Variants in CDYL observed in about 807,000 individuals in gnomAD.
CDYL encodes chromodomain Y-like protein.
A neutral mutation model predicts 47.3 loss-of-function variants in CDYL; 8 were observed. The ratio of observed to expected loss-of-function variants is 0.17; its 90% confidence interval spans 0.10 to 0.31. CDYL has a LOEUF of 0.31. Among genes scored for constraint, CDYL ranks in the 10% least tolerant of loss-of-function variants. The pLI, the probability that CDYL is intolerant of heterozygous loss-of-function variation, is 1.00. For synonymous variants in CDYL, 266 were observed against 265.0 expected (o/e 1.00, Z -0.04); for missense variants, 471 against 701.4 (o/e 0.67, Z 3.71).
At chr6:4,915,524 C>G (rs1319589233) in intron 2 of CDYL, among the ~76,000 whole-genome samples, 1 of 152,068 alleles carries the variant, frequency 6.6e-6, no homozygotes, top group Non-Finnish European at 1.5e-5. Flanking sequence ...ATACCCTTAC[C>G]GCTTTGGAGT....
At chr6:4,726,163 A>G (rs1183681590) in intron 2 of CDYL, among the ~76,000 whole-genome samples, 1 of 152,180 alleles carries the variant, frequency 6.6e-6, no homozygotes, top group Non-Finnish European at 1.5e-5. Flanking sequence ...CTGTAATCCC[A>G]GCACTTTGGC....
chr6:4,732,962 G>T (rs1369973222), intron 2 of CDYL, among the ~76,000 whole-genome samples: 1 of 152,138 alleles, frequency 6.6e-6, no homozygotes, highest in African/African-American at 2.4e-5. Context: ...GATCCTCCAA[G>T]AAACGTCAGC....
intron 2 of CDYL, among the ~76,000 whole-genome samples, chr6:4,906,224 T>G (rs1757232922): frequency 6.6e-6 from 1 of 152,272 alleles, no homozygotes; most frequent in Non-Finnish European, 1.5e-5. Flanking sequence ...TTTTAAATTA[T>G]GTATTCCATG....
chr6:4,842,723 G>T (rs1383157287), intron 1 of CDYL, among the ~76,000 whole-genome samples: 2 of 152,060 alleles, frequency 1.3e-5, no homozygotes, highest in Admixed American at 6.6e-5. Flanking sequence ...CTGCCATTCT[G>T]TTCTCTTTCC....
intron 1 of CDYL, among the ~76,000 whole-genome samples, chr6:4,886,608 G>C (rs1761906597): frequency 6.6e-6 from 1 of 151,774 alleles, no homozygotes; most frequent in Non-Finnish European, 1.5e-5. Flanking sequence ...TTATATGTTT[G>C]ATATAAGTCC....
intron 5 of CDYL, among the ~76,000 whole-genome samples, chr6:4,946,963 G>A (rs955688581): frequency 1.3e-5 from 2 of 152,198 alleles, no homozygotes; most frequent in East Asian, 3.9e-4. Context: ...AGCCAGGTCA[G>A]ACCATCTCCT....
At chr6:4,909,099 C>T (rs1172462401) in intron 2 of CDYL, among the ~76,000 whole-genome samples, 1 of 152,200 alleles carries the variant, frequency 6.6e-6, no homozygotes, top group South Asian at 2.1e-4. Context: ...CTGTATTTCA[C>T]CTGACGCCTT....
At chr6:4,759,216 G>A (rs867512993) in intron 3 of CDYL, among the ~76,000 whole-genome samples, 7 of 151,962 alleles carry the variant, frequency 4.6e-5, no homozygotes, top group Admixed American at 1.3e-4. Context: ...TGATCCACGC[G>A]CCTCAGCCTC....
chr6:4,940,452 G>A (rs1758330817), intron 4 of CDYL, among the ~76,000 whole-genome samples: 1 of 152,164 alleles, frequency 6.6e-6, no homozygotes, highest in African/African-American at 2.4e-5. Context: ...CTTAAAACTT[G>A]GAGGCAAAGG....
intron 2 of CDYL, among the ~76,000 whole-genome samples, chr6:4,933,712 T>C (rs994316278): frequency 1.3e-5 from 2 of 152,148 alleles, no homozygotes; most frequent in African/African-American, 2.4e-5. Context: ...AGCAACACCT[T>C]TGCTGACTGG....
At chr6:4,912,565 G>T (rs923738102) in intron 2 of CDYL, among the ~76,000 whole-genome samples, 5 of 152,270 alleles carry the variant, frequency 3.3e-5, no homozygotes, top group African/African-American at 1.2e-4. Context: ...GAAACATGAT[G>T]TGTGCTGATT....
At chr6:4,886,516 GTA>G (rs1194166019) in intron 1 of CDYL, among the ~76,000 whole-genome samples, 6 of 152,170 alleles carry the variant, frequency 3.9e-5, no homozygotes, top group African/African-American at 1.4e-4. Flanking sequence ...GGTCATTTGT[GTA>G]TCTTCTTCGG....
intron 1 of CDYL, among the ~76,000 whole-genome samples, chr6:4,831,846 G>A (rs1191114118): frequency 3.3e-5 from 5 of 152,134 alleles, no homozygotes; most frequent in Non-Finnish European, 2.9e-5. Context: ...AATTGTGAAT[G>A]GGAGTTCACT....
intron 2 of CDYL, among the ~76,000 whole-genome samples, chr6:4,899,860 C>T (rs1402166069): frequency 6.6e-6 from 1 of 152,130 alleles, no homozygotes; most frequent in African/African-American, 2.4e-5. Flanking sequence ...TGTGTGGAGT[C>T]CCGTGACCAT....
At chr6:4,857,095 C>G (rs577596222) in intron 1 of CDYL, among the ~76,000 whole-genome samples, 1 of 152,296 alleles carries the variant, frequency 6.6e-6, no homozygotes, top group Non-Finnish European at 1.5e-5. Context: ...TGGCCTTTTA[C>G]AATTAGAAAA....
chr6:4,929,911 A>T (rs753378465), intron 2 of CDYL, among the ~76,000 whole-genome samples: 10 of 151,696 alleles, frequency 6.6e-5, no homozygotes, highest in Middle Eastern at 3.2e-3. Context: ...GAACATTGTG[A>T]TTTACATTTT....
intron 2 of CDYL, among the ~76,000 whole-genome samples, chr6:4,724,190 G>A (rs1170827206): frequency 2.6e-5 from 4 of 151,872 alleles, no homozygotes; most frequent in Non-Finnish European, 2.9e-5. Context: ...ACAGGCATGT[G>A]CCATCACACC....
rs751935580 is a variant in CDYL at position 4,892,156 on chromosome 6, C to T, written c.468C>T (p.Asp156=). The T allele has an allele frequency of 1.7e-5, 28 of 1,614,208 alleles. No homozygotes were observed. The highest frequency in any genetic ancestry group is 2.2e-5 in the South Asian group (2 of 91,080). Residue 156 remains aspartate (D), a synonymous_variant, in exon 2 of 7, where the codon GAC becomes GAT. Coordinates refer to ENST00000397588, the MANE Select transcript of CDYL (RefSeq NM_004824.4). ...KSPVKSRTAV[D]GFQSESPEKL... is the part of the protein sequence containing the mutation. ...CCGTTAAGAGCAGGACCGCAGTGGA[C>T]GGCTTTCAGAGCGAGAGCCCTGAGA... is the stretch of plus-strand genomic sequence containing the variant.
At chr6:4,894,233 C>T (rs1020843278) in intron 2 of CDYL, among the ~76,000 whole-genome samples, 2 of 152,118 alleles carry the variant, frequency 1.3e-5, no homozygotes, top group Admixed American at 6.5e-5. Context: ...AACCAGAGCG[C>T]GTGCCTTAGT....
Sources: allele counts gnomAD v4.1 joint callset (sites outside exome capture counted in the v4.1 genomes callset), GRCh38; gene constraint gnomAD v4.1.1; transcripts MANE v1.5; gene names NCBI Gene and HGNC (gene_info 2026-07-23, HGNC 2026-07-21).